The following ZNF101 variants were observed in gnomAD, a reference collection of about 807,000 sequenced individuals.
ZNF101 encodes zinc finger protein 101, also known as zinc finger protein 101 (Y2).
Under a neutral mutation model 42.6 loss-of-function variants are expected in ZNF101, and 34 were observed. The ratio of observed to expected loss-of-function variants is 0.80; its 90% CI spans 0.61 to 1.06. The LOEUF is 1.06. ZNF101 is among the 50% of genes least tolerant of loss of function. The probability of loss-of-function intolerance (pLI) is 0.00; values close to 1 mark genes in which losing one functional copy is unlikely to be tolerated. For missense variants in ZNF101, 466 were observed against 530.9 expected (o/e 0.88, Z 1.20); for synonymous variants, 158 against 183.9 (o/e 0.86, Z 1.14).
chr19:19,673,687 C>CTTTTTTTTT (rs573395742), intron 1 of ZNF101, among the ~76,000 whole-genome samples: 20 of 82,868 alleles, frequency 2.4e-4, no homozygotes, highest in East Asian at 6.9e-4. Flanking sequence ...GCGTTCAATT[C>CTTTTTTTTT]TTTTTTTTTT....
rs2062239820 is a variant in ZNF101, at chr19:19,681,470, G to T, written c.*1170G>T. The T allele has an allele frequency of 6.6e-6, 1 of 152,178 alleles. No homozygotes were observed. The highest frequency in any genetic ancestry group is 1.5e-5 in the Non-Finnish European group (1 of 68,046). 9.4% of individuals were successfully genotyped at this position (152,178 alleles called of 1,614,324 possible). On this transcript the variant is annotated 3_prime_UTR_variant, in exon 4 of 4. Transcript: ENST00000592502. ...TTAACAATAATTAAAATTCACATGG[G>T]CTGTGCACAGTGGCTCTCCCCTGTA...
chr19:19,668,800 T>C, upstream of ZNF101: 1 of 873,698 alleles, frequency 1.1e-6, no homozygotes, highest in Middle Eastern at 2.7e-4. Context: ...AGGGGCAACT[T>C]CCAAAGCCCG....
intron 1 of ZNF101, among the ~76,000 whole-genome samples, chr19:19,671,866 A>G (rs1599448150): frequency 6.6e-6 from 1 of 152,086 alleles, no homozygotes; most frequent in Admixed American, 6.6e-5. Flanking sequence ...AGACTTCAAG[A>G]AAAATTTCAG....
At chr19:19,671,845 G>C (rs1433161291) in intron 1 of ZNF101, among the ~76,000 whole-genome samples, 5 of 151,978 alleles carry the variant, frequency 3.3e-5, no homozygotes, top group Non-Finnish European at 2.9e-5. Context: ...TTTTATTCAC[G>C]AGACATTTTC....
intron 2 of ZNF101, among the ~76,000 whole-genome samples, 160 bp downstream of exon 2, chr19:19,678,150 G>A (rs1424338842): frequency 6.6e-6 from 1 of 151,774 alleles, no homozygotes; most frequent in African/African-American, 2.4e-5. Flanking sequence ...CTAGTGCTTT[G>A]GGAAGCCACG....
rs768729321 is a variant in ZNF101 at position 19,679,975 on chromosome 19, A to G, written c.986A>G (p.Glu329Gly). The G allele has an allele frequency of 6.2e-7, 1 of 1,613,930 alleles. No individual in the cohort carries two copies. The highest frequency in any genetic ancestry group is 1.1e-5 in the South Asian group (1 of 91,056). Residue 329 changes from glutamate (E) to glycine (G), a missense_variant, in exon 4 of 4, where the codon GAA becomes GGA. By Grantham distance (98) the Glu-to-Gly change is moderately conservative. Transcript: ENST00000592502. ...FRCPTSLQAH[E>G]RAHTGERPYE... is the part of the protein sequence containing the mutation. ...TGTCCCACGTCCCTTCAAGCACATG[A>G]AAGAGCTCACACTGGAGAAAGACCT...
intron 1 of ZNF101, among the ~76,000 whole-genome samples, chr19:19,671,687 G>A (rs1425409564): frequency 6.6e-6 from 1 of 152,022 alleles, no homozygotes; most frequent in Non-Finnish European, 1.5e-5. Context: ...TTTTAGTAGA[G>A]ACGGGGTTTC....
chr19:19,683,466 T>G lies in ZNF101; in HGVS notation c.*3166T>G, dbSNP rs2062249333. 1 of 152,228 alleles carries G rather than the reference T, an allele frequency of 6.6e-6. No homozygotes were observed. 9.4% of individuals were successfully genotyped at this position (152,228 alleles called of 1,614,324 possible). A position where few individuals can be genotyped will look rare whatever the true frequency, so the allele number is the denominator to read the frequency against. On this transcript the variant is annotated 3_prime_UTR_variant, in exon 4 of 4. Coordinates refer to ENST00000592502, the MANE Select transcript of ZNF101 (RefSeq NM_033204.4). ...TTTAGTCTCCTGATCAAGTATGATG[T>G]TAGCTGCAGGTTTTTAATAAATGCC...
Position 19,679,173 on chromosome 19 carries a change from T to G in ZNF101, c.192-8T>G, listed in dbSNP as rs756491467. On this transcript the variant is annotated splice_region_variant and splice_polypyrimidine_tract_variant and intron_variant, in intron 3 of 3. Coordinates refer to ENST00000592502, the MANE Select transcript of ZNF101 (RefSeq NM_033204.4). Reference sequence around the variant, plus strand: ...AAGCATTGATAATGCGTTTGTCATTTTTCATAGAAGTCTGGTGGAGAGACT... The same window carrying G: ...AAGCATTGATAATGCGTTTGTCATTGTTCATAGAAGTCTGGTGGAGAGACT... 2 of 1,607,654 alleles carry G rather than the reference T, an allele frequency of 1.2e-6. No individual in the cohort carries two copies. The highest frequency in any genetic ancestry group is 2.7e-5 in the African/African-American group (2 of 74,698).
intron 1 of ZNF101, 25 bp from the exon 2 acceptor site, chr19:19,677,839 C>A (rs1419808341): frequency 1.2e-6 from 2 of 1,606,996 alleles, no homozygotes; most frequent in Non-Finnish European, 1.7e-6. Context: ...CACCCCTCCT[C>A]CTCCACACCT....
In ZNF101 at chr19:19,680,139, CAT is replaced by C; in HGVS notation, c.1151_1152del (p.His384ArgfsTer11). ...TGGGTGGTGCAGTTCCCTCCGAAGA[CAT>C]GAAATGACTCACACTGGAGAAAAAC... Reference protein sequence around the residue: ...AFGWCSSLRRHEMTHTGEKPF... With the variant: ...AFGWCSSLRRXEMTHTGEKPF... On this transcript the variant is annotated frameshift_variant, in exon 4 of 4. Transcript: ENST00000592502. LOFTEE classifies it high-confidence loss of function. The C allele has an allele frequency of 4.3e-6, 7 of 1,613,388 alleles. No homozygotes were observed. The highest frequency in any genetic ancestry group is 5.9e-6 in the Non-Finnish European group (7 of 1,179,830).
At chr19:19,674,370 T>G (rs1481189269) in intron 1 of ZNF101, among the ~76,000 whole-genome samples, 1 of 152,028 alleles carries the variant, frequency 6.6e-6, no homozygotes, top group Non-Finnish European at 1.5e-5. Flanking sequence ...GAGATGGGGT[T>G]TCACCATGCT....
In ZNF101 at chr19:19,679,387, G is replaced by A. The variant is rs1192796002; in HGVS notation, c.398G>A (p.Gly133Asp). The A allele has an allele frequency of 6.2e-7, 1 of 1,613,984 alleles. No individual in the cohort carries two copies. The highest frequency in any genetic ancestry group is 1.7e-5 in the Admixed American group (1 of 59,986). Residue 133 changes from glycine to aspartate, a missense_variant, in exon 4 of 4, where the codon GGT becomes GAT. Coordinates refer to ENST00000592502, the MANE Select transcript of ZNF101 (RefSeq NM_033204.4). The part of the protein sequence containing the change: ...AHAGHKRSEC[G>D]GEWRETPRKQ... ...GCTGGACACAAACGATCTGAGTGTG[G>A]TGGGGAATGGAGAGAGACGCCCCGT... is the stretch of plus-strand genomic sequence containing the variant.
chr19:19,678,938 A>G, intron 3 of ZNF101, 152 bp downstream of exon 3: 1 of 929,014 alleles, frequency 1.1e-6, no homozygotes, highest in Admixed American at 3.0e-5. Flanking sequence ...CTTCAATGTA[A>G]TGTAGATGTT....
chr19:19,677,741 C>A (rs907929084), intron 1 of ZNF101, 123 bp from the exon 2 acceptor site: 47 of 1,416,392 alleles, frequency 3.3e-5, no homozygotes, highest in Non-Finnish European at 4.3e-5. Flanking sequence ...AGGAGGAGGC[C>A]GATGACTCAA....
chr19:19,670,996 T>A (rs541898657), intron 1 of ZNF101, among the ~76,000 whole-genome samples: 7 of 152,210 alleles, frequency 4.6e-5, no homozygotes, highest in African/African-American at 1.7e-4. Flanking sequence ...GTCCCAGATA[T>A]TCTGGAGGCT....
intron 1 of ZNF101, among the ~76,000 whole-genome samples, chr19:19,673,955 G>A (rs542745784): frequency 1.6e-4 from 24 of 151,046 alleles, no homozygotes; most frequent in African/African-American, 5.1e-4. Flanking sequence ...CACCGCGCCC[G>A]ACTAATTTTT....
chr19:19,679,079 A>G, intron 3 of ZNF101, 102 bp from the exon 4 acceptor site: 2 of 1,501,874 alleles, frequency 1.3e-6, no homozygotes, highest in South Asian at 1.4e-5. Flanking sequence ...GAAAACCTCC[A>G]CTTTTCCTGA....
intron 1 of ZNF101, among the ~76,000 whole-genome samples, chr19:19,669,300 C>G (rs2062154606): frequency 6.6e-6 from 1 of 152,146 alleles, no homozygotes; most frequent in African/African-American, 2.4e-5. Flanking sequence ...TGTGGGGTCC[C>G]CAGTTCCTCC....
Sources: gnomAD v4.1 joint callset for allele counts (sites outside exome capture counted in the v4.1 genomes callset) on GRCh38, gnomAD v4.1.1 for gene constraint, MANE v1.5 for transcripts, NCBI Gene and HGNC (gene_info 2026-07-23, HGNC 2026-07-21) for gene names.